The following NSRP1 variants were observed in gnomAD, a reference collection of about 807,000 sequenced individuals.
NSRP1 encodes the protein nuclear speckle splicing regulatory protein 1.
NSRP1 carries 24 observed loss-of-function variants against 54.7 expected under a neutral mutation model. The observed-to-expected ratio is 0.44, with a 90% CI of 0.32 to 0.62. NSRP1 has a LOEUF of 0.62. Ranked by LOEUF, NSRP1 falls within the 20% of genes least tolerant of loss-of-function variation. NSRP1 has a pLI of 0.06. For missense variants in NSRP1, 596 were observed against 651.2 expected, an observed-to-expected ratio of 0.92 and a Z score of 0.92; for synonymous variants, 210 against 213.8, an observed-to-expected ratio of 0.98 and a Z score of 0.15.
intron 2 of NSRP1, among the ~76,000 whole-genome samples, chr17:30,135,392 T>C (rs2071740426): frequency 6.6e-6 from 1 of 152,106 alleles, no homozygotes; most frequent in Non-Finnish European, 1.5e-5. Flanking sequence ...CCCAAAGTGC[T>C]GGAACTGTAG....
chr17:30,127,765 G>C (rs1567790116), intron 2 of NSRP1: 1 of 364,756 alleles, frequency 2.7e-6, no homozygotes, highest in East Asian at 3.9e-5. Context: ...CTTTAAAAGA[G>C]AGTATTAAGT....
chr17:30,149,866 C>T (rs1173496762), intron 2 of NSRP1, among the ~76,000 whole-genome samples: 1 of 150,612 alleles, frequency 6.6e-6, no homozygotes, highest in African/African-American at 2.5e-5. Flanking sequence ...ACCAAAAGCT[C>T]TGTGGTTTTT....
At chr17:30,174,323 T>G (rs1905054521) in intron 3 of NSRP1, among the ~76,000 whole-genome samples, 1 of 152,214 alleles carries the variant, frequency 6.6e-6, no homozygotes, top group Non-Finnish European at 1.5e-5. Context: ...TGATTTTTTC[T>G]CGCACCTATA....
At chr17:30,173,989 ATTAT>A (rs1905043926) in intron 3 of NSRP1, among the ~76,000 whole-genome samples, 1 of 152,234 alleles carries the variant, frequency 6.6e-6, no homozygotes, top group Non-Finnish European at 1.5e-5. Flanking sequence ...AAAAACAGTG[ATTAT>A]TTAACATAAA....
At chr17:30,173,244 G>A (rs774388996) in intron 3 of NSRP1, among the ~76,000 whole-genome samples, 40 of 152,308 alleles carry the variant, frequency 2.6e-4, no homozygotes, top group Non-Finnish European at 4.7e-4. Context: ...GATTACAGGC[G>A]TGAGCCACCG....
rs747172864 is a variant in NSRP1 at position 30,185,041 on chromosome 17, G to A, written c.1044G>A (p.Glu348=). 4 of 1,614,086 alleles carry A rather than the reference G, an allele frequency of 2.5e-6. No individual in the cohort carries two copies. Among genetic ancestry groups the A allele is most frequent in the Non-Finnish European group, 3.4e-6 (4 of 1,180,022 alleles). The stretch of plus-strand genomic sequence containing the variant: ...AAAGGGATTCTCATAGGCACAGAGA[G>A]GCCAGTCATAGAGATTCCCATTGGA... ...RKERDSHRHR[E]ASHRDSHWKR... Residue 348 remains glutamate (E), a synonymous_variant, in exon 7 of 7, where the codon GAG becomes GAA. Transcript: ENST00000247026.
Position 30,171,065 on chromosome 17 carries a change from A to AT in NSRP1, c.115-1468dup, listed in dbSNP as rs544120047. On this transcript the variant is annotated intron_variant, in intron 2 of 6. Coordinates refer to ENST00000247026, the MANE Select transcript of NSRP1 (RefSeq NM_032141.4). ...TTAAGGAAACATATTTTTCTTAAGT[A>AT]TTTTTTTTTCTTAGCTGTATGTAAT... Among the ~76,000 whole-genome samples, 81 of 151,122 alleles carry AT rather than the reference A, an allele frequency of 5.4e-4. 2 individuals carry two copies. In the South Asian group the frequency reaches 0.014, roughly 27 times the overall value.
At chr17:30,174,640 A>C (rs1245219193) in intron 3 of NSRP1, among the ~76,000 whole-genome samples, 1 of 152,200 alleles carries the variant, frequency 6.6e-6, no homozygotes, top group Non-Finnish European at 1.5e-5. Flanking sequence ...ATTTGTTGCT[A>C]ATCTAAGGAA....
chr17:30,135,060 C>G (rs2071737012), intron 2 of NSRP1, among the ~76,000 whole-genome samples: 1 of 152,090 alleles, frequency 6.6e-6, no homozygotes, highest in Non-Finnish European at 1.5e-5. Flanking sequence ...GCTGCTACTT[C>G]AAGAGGAAAT....
chr17:30,135,335 G>A (rs1246218496), intron 2 of NSRP1, among the ~76,000 whole-genome samples: 1 of 151,388 alleles, frequency 6.6e-6, no homozygotes, highest in Admixed American at 6.6e-5. Context: ...GTTGGCCCAG[G>A]CTGGTCTTGA....
intron 2 of NSRP1, among the ~76,000 whole-genome samples, chr17:30,134,156 AAAC>A (rs1241450909): frequency 6.6e-6 from 1 of 152,206 alleles, no homozygotes; most frequent in African/African-American, 2.4e-5. Flanking sequence ...GGAGAGAGGA[AAAC>A]ACCGGTTGGT....
intron 2 of NSRP1, chr17:30,122,395 T>A (rs1185000202): frequency 2.6e-3 from 151 of 58,670 alleles, no homozygotes; most frequent in East Asian, 0.013. Flanking sequence ...ATTTTTTTTT[T>A]TTTTTTTTTT....
intron 2 of NSRP1, among the ~76,000 whole-genome samples, chr17:30,170,635 A>ATATT (rs1197478413): frequency 3.5e-4 from 54 of 152,294 alleles, no homozygotes; most frequent in Middle Eastern, 3.4e-3. Context: ...AGGCTGAATA[A>ATATT]TACTCCATCA....
At chr17:30,176,780 T>C (rs1260591247) in intron 3 of NSRP1, among the ~76,000 whole-genome samples, 1 of 152,184 alleles carries the variant, frequency 6.6e-6, no homozygotes, top group Non-Finnish European at 1.5e-5. Flanking sequence ...TCTTTCACTT[T>C]CTAAAGGTTG....
At position 30,168,048 on chromosome 17, in the gene NSRP1, G is replaced by A. The variant is rs573970990; in HGVS notation, c.115-4494G>A. ...AAGTTTAAATCAGATTTATGCTATA[G>A]GCTATTTGTACCTTTCCATGCCTTT... On this transcript the variant is annotated intron_variant, in intron 2 of 6. Coordinates refer to ENST00000247026, the MANE Select transcript of NSRP1 (RefSeq NM_032141.4). 3.9e-5 allele frequency: 6 copies of A among 152,246 alleles called. No homozygotes were observed. In the East Asian group the frequency reaches 1.2e-3, roughly 29 times the overall value. 9.4% of individuals were successfully genotyped at this position (152,246 alleles called of 1,614,324 possible).
intron 3 of NSRP1, among the ~76,000 whole-genome samples, chr17:30,177,298 G>A (rs73276867): frequency 6.6e-6 from 1 of 152,016 alleles, no homozygotes; most frequent in African/African-American, 2.4e-5. Context: ...TTGAAGCCTG[G>A]GAGGCAGAGG....
At chr17:30,125,237 A>G (rs1433228921) in intron 2 of NSRP1, among the ~76,000 whole-genome samples, 1 of 152,244 alleles carries the variant, frequency 6.6e-6, no homozygotes, top group African/African-American at 2.4e-5. Context: ...TTGACTATAT[A>G]TTAAAATCTC....
chr17:30,133,517 A>G (rs1461678564), intron 2 of NSRP1, among the ~76,000 whole-genome samples: 1 of 152,078 alleles, frequency 6.6e-6, no homozygotes, highest in Admixed American at 6.6e-5. Context: ...TTGTTGTTTC[A>G]TTTATAGAGC....
chr17:30,183,461 C>T (rs1458069013), intron 6 of NSRP1, among the ~76,000 whole-genome samples: 1 of 152,304 alleles, frequency 6.6e-6, no homozygotes, highest in African/African-American at 2.4e-5. Flanking sequence ...ATTAGAGTTT[C>T]ATCTGGAATA....
Sources: allele counts gnomAD v4.1 joint callset (sites outside exome capture counted in the v4.1 genomes callset), GRCh38; gene constraint gnomAD v4.1.1; transcripts MANE v1.5; gene names NCBI Gene and HGNC (gene_info 2026-07-23, HGNC 2026-07-21).